The following ZFP90 variants were observed in gnomAD, a reference collection of about 807,000 sequenced individuals.
ZFP90 encodes the protein ZFP90 zinc finger protein.
Under a neutral mutation model 60.8 loss-of-function variants are expected in ZFP90, and 38 were observed. The observed-to-expected ratio is 0.62, with a 90% CI of 0.48 to 0.82. The LOEUF is 0.82. Ranked by LOEUF, ZFP90 falls within the 40% of genes least tolerant of loss-of-function variation. The pLI, the probability that ZFP90 is intolerant of heterozygous loss-of-function variation, is 0.00. For missense variants in ZFP90, 711 were observed against 759.1 expected (o/e 0.94, Z 0.74); for synonymous variants, 287 against 264.8 (o/e 1.08, Z -0.82).
upstream of ZFP90, among the ~76,000 whole-genome samples, chr16:68,537,444 C>A (rs1162008348): frequency 6.6e-6 from 1 of 152,120 alleles, no homozygotes; most frequent in African/African-American, 2.4e-5. Context: ...CCTTAAGTTG[C>A]AGCTACTAAG....
intron 2 of ZFP90, among the ~76,000 whole-genome samples, chr16:68,552,248 A>T (rs2091275307): frequency 1.3e-5 from 2 of 151,832 alleles, no homozygotes; most frequent in African/African-American, 4.8e-5. Flanking sequence ...TTACCTATTT[A>T]CTCCGGCAAA....
Position 68,564,722 on chromosome 16 carries a change from C to T in ZFP90, c.*24C>T, listed in dbSNP as rs1233112214. 2.5e-6 allele frequency: 4 copies of T among 1,573,426 alleles called. No individual in the cohort carries two copies. Among genetic ancestry groups the T allele is most frequent in the South Asian group, 2.4e-5 (2 of 83,618 alleles). On this transcript the variant is annotated 3_prime_UTR_variant, in exon 5 of 5. Coordinates refer to ENST00000563169, the MANE Select transcript of ZFP90 (RefSeq NM_001305203.2). The stretch of plus-strand genomic sequence containing the variant: ...AGGAACCGTGAAATTAAGGAATTTG[C>T]AGAATGCTTTAGCTAAAATGTTCTG...
chr16:68,566,189 C>T lies in ZFP90; in HGVS notation c.*1491C>T. On this transcript the variant is annotated 3_prime_UTR_variant, in exon 5 of 5. Coordinates refer to ENST00000563169, the MANE Select transcript of ZFP90 (RefSeq NM_001305203.2). ...TATTAGTAAAGCATCAGCTAAGCTTCAGTGGCCTGCTCCATCCCCTAATGA... is the reference window on the plus strand; with the variant it reads ...TATTAGTAAAGCATCAGCTAAGCTTTAGTGGCCTGCTCCATCCCCTAATGA... The T allele has an allele frequency of 2.0e-6, 2 of 985,564 alleles. No homozygotes were observed. Among genetic ancestry groups the T allele is most frequent in the Non-Finnish European group, 2.4e-6 (2 of 829,946 alleles). 61.1% of individuals were successfully genotyped at this position (985,564 alleles called of 1,614,324 possible).
Position 68,566,992 on chromosome 16 carries a change from G to T in ZFP90, c.*2294G>T. 1.0e-6 allele frequency: 1 copy of T among 985,624 alleles called. No individual in the cohort carries two copies. The allele number at this position is 985,624 out of a possible 1,614,324, so 61.1% of individuals were successfully genotyped here. A position where few individuals can be genotyped will look rare whatever the true frequency, so the allele number is the denominator to read the frequency against. On this transcript the variant is annotated 3_prime_UTR_variant, in exon 5 of 5. Coordinates refer to ENST00000563169, the MANE Select transcript of ZFP90 (RefSeq NM_001305203.2). ...CAGGGAGGGAGCCCAGGACATATGTGTGGCTCATTGACCAGAAGGCTTTCT... is the reference window on the plus strand; with the variant it reads ...CAGGGAGGGAGCCCAGGACATATGTTTGGCTCATTGACCAGAAGGCTTTCT...
intron 2 of ZFP90, among the ~76,000 whole-genome samples, chr16:68,556,052 C>T (rs948398159): frequency 1.3e-5 from 2 of 152,118 alleles, no homozygotes; most frequent in Non-Finnish European, 2.9e-5. Flanking sequence ...TGCCTGTAGT[C>T]CCAGCTACTC....
intron 2 of ZFP90, chr16:68,557,270 T>C (rs927200214): frequency 3.3e-5 from 15 of 455,876 alleles, no homozygotes; most frequent in African/African-American, 2.4e-4. Flanking sequence ...GGCCTTGACC[T>C]CTCAAAGTGT....
chr16:68,564,033 C>T lies in ZFP90; in HGVS notation c.1246C>T (p.His416Tyr). Reference sequence around the variant, plus strand: ...ATCCCTTTATAAACATATGAGGATTCATAAGAGAGGCAAACCTTACCAAAG... The same window carrying T: ...ATCCCTTTATAAACATATGAGGATTTATAAGAGAGGCAAACCTTACCAAAG... ...SPSLYKHMRIHKRGKPYQSSN... is the reference protein window; with the variant it reads ...SPSLYKHMRIYKRGKPYQSSN... The change falls in exon 5 of 5, where the codon CAT (histidine) becomes TAT (tyrosine). Residue 416 changes from histidine to tyrosine, a missense_variant. Around this residue, in one of 5 missense-constraint regions of ZFP90, gnomAD observed 295 missense variants for 274.0 expected, o/e 1.08. Transcript: ENST00000563169. 6.2e-7 allele frequency: 1 copy of T among 1,614,048 alleles called. No homozygotes were observed. Among genetic ancestry groups the T allele is most frequent in the Non-Finnish European group, 8.5e-7 (1 of 1,179,992 alleles).
At position 68,565,187 on chromosome 16, in the gene ZFP90, A is replaced by G. The variant is rs1348561865; in HGVS notation, c.*489A>G. The G allele has an allele frequency of 5.1e-6, 5 of 989,958 alleles. No homozygotes were observed. Among genetic ancestry groups the G allele is most frequent in the Non-Finnish European group, 3.6e-6 (3 of 832,948 alleles). 61.3% of individuals were successfully genotyped at this position (989,958 alleles called of 1,614,324 possible). A position where few individuals can be genotyped will look rare whatever the true frequency, so the allele number is the denominator to read the frequency against. Reference sequence around the variant, plus strand: ...TTAGATCAACTAGCCCAACCACTTCATTGTACAGATGAAGACTGAAAGCCA... The same window carrying G: ...TTAGATCAACTAGCCCAACCACTTCGTTGTACAGATGAAGACTGAAAGCCA... On this transcript the variant is annotated 3_prime_UTR_variant, in exon 5 of 5. Transcript: ENST00000563169.
In ZFP90 at chr16:68,564,951, T is replaced by C. The variant is rs1260724019; in HGVS notation, c.*253T>C. On this transcript the variant is annotated 3_prime_UTR_variant, in exon 5 of 5. Coordinates refer to ENST00000563169, the MANE Select transcript of ZFP90 (RefSeq NM_001305203.2). Reference sequence around the variant, plus strand: ...GATGATATGCCTGTATGTTGGACTTTGCTTTTGAATATATGTATGCAGGAT... The same window carrying C: ...GATGATATGCCTGTATGTTGGACTTCGCTTTTGAATATATGTATGCAGGAT... 2 of 1,222,330 alleles carry C rather than the reference T, an allele frequency of 1.6e-6. No homozygotes were observed. Among genetic ancestry groups the C allele is most frequent in the Non-Finnish European group, 2.0e-6 (2 of 980,340 alleles). The allele number at this position is 1,222,330 out of a possible 1,614,324, so 75.7% of individuals were successfully genotyped here. A position where few individuals can be genotyped will look rare whatever the true frequency, so the allele number is the denominator to read the frequency against.
chr16:68,542,445 G>A (rs945587764), intron 2 of ZFP90, among the ~76,000 whole-genome samples: 1 of 152,078 alleles, frequency 6.6e-6, no homozygotes, highest in East Asian at 1.9e-4. Flanking sequence ...ACAAAAATTA[G>A]CTAGCCATGG....
At chr16:68,562,449 C>A in intron 4 of ZFP90, 1 of 151,928 alleles carries the variant, frequency 6.6e-6, no homozygotes, top group Non-Finnish European at 1.5e-5. Context: ...AACCGGAGCT[C>A]AAATAGATGA....
rs35122186 is a variant in ZFP90, at chr16:68,540,808, C to CAAAAAA, written c.33+1000_33+1005dup. ...GCAACATAGTGAGACTCCGTCTCTGCAAAAAAAAAAAAAAAAAAAAAATTT... is the reference window on the plus strand; with the variant it reads ...GCAACATAGTGAGACTCCGTCTCTGCAAAAAAAAAAAAAAAAAAAAAAAAAAAATTT... On this transcript the variant is annotated intron_variant, in intron 2 of 4. Coordinates refer to ENST00000563169, the MANE Select transcript of ZFP90 (RefSeq NM_001305203.2). Among the ~76,000 whole-genome samples the CAAAAAA allele has an allele frequency of 3.7e-3, 338 of 92,562 alleles. 5 individuals are homozygous for CAAAAAA. The highest frequency in any genetic ancestry group is 0.014 in the African/African-American group (306 of 22,136). The allele number at this position is 92,562 out of a possible 152,430, so 60.7% of individuals were successfully genotyped here.
Position 68,566,835 on chromosome 16 carries a change from T to G in ZFP90, c.*2137T>G, listed in dbSNP as rs944770768. The G allele has an allele frequency of 2.0e-6, 2 of 985,600 alleles. No homozygotes were observed. The highest frequency in any genetic ancestry group is 2.4e-6 in the Non-Finnish European group (2 of 829,954). 61.1% of individuals were successfully genotyped at this position (985,600 alleles called of 1,614,324 possible). ...AGGAATGGCATGAATTGTAACCAAC[T>G]GAGTGCTGCCCCCACTGTTACGGAA... On this transcript the variant is annotated 3_prime_UTR_variant, in exon 5 of 5. Transcript: ENST00000563169.
rs1217451305 is a variant in ZFP90 at position 68,565,472 on chromosome 16, C to T, written c.*774C>T. 3 of 985,396 alleles carry T rather than the reference C, an allele frequency of 3.0e-6. No individual in the cohort carries two copies. The highest frequency in any genetic ancestry group is 3.6e-6 in the Non-Finnish European group (3 of 829,920). The allele number at this position is 985,396 out of a possible 1,614,324, so 61.0% of individuals were successfully genotyped here. On this transcript the variant is annotated 3_prime_UTR_variant, in exon 5 of 5. Transcript: ENST00000563169. ...CAAATTTATCACAAACTATTTAAAGCAACTTCTTGGAGGCTTACAAACCAC... is the reference window on the plus strand; with the variant it reads ...CAAATTTATCACAAACTATTTAAAGTAACTTCTTGGAGGCTTACAAACCAC...
rs1308528284 is a variant in ZFP90 at position 68,564,795 on chromosome 16, C to T, written c.*97C>T. The T allele has an allele frequency of 1.0e-5, 15 of 1,463,590 alleles. No individual in the cohort carries two copies. The highest frequency in any genetic ancestry group is 2.8e-5 in the African/African-American group (2 of 70,268). The allele number at this position is 1,463,590 out of a possible 1,614,324, so 90.7% of individuals were successfully genotyped here. ...GAGAGCTTGGGAATGTAATGAATTA[C>T]GTGTGTGTTTATACGTTGTGTGTGG... On this transcript the variant is annotated 3_prime_UTR_variant, in exon 5 of 5. Coordinates refer to ENST00000563169, the MANE Select transcript of ZFP90 (RefSeq NM_001305203.2).
downstream of ZFP90, among the ~76,000 whole-genome samples, chr16:68,571,127 G>A (rs141917420): frequency 4.3e-4 from 65 of 152,320 alleles, no homozygotes; most frequent in Non-Finnish European, 8.1e-4. Flanking sequence ...TGCTGTTGAA[G>A]GAATGTGCTG....
chr16:68,568,731 T>C (rs1014823976), downstream of ZFP90, among the ~76,000 whole-genome samples: 27 of 152,144 alleles, frequency 1.8e-4, no homozygotes, highest in African/African-American at 6.5e-4. Context: ...CAGGCTGGAG[T>C]GCAGCAGTAC....
Position 68,565,794 on chromosome 16 carries a change from G to C in ZFP90, c.*1096G>C. 1 of 985,396 alleles carries C rather than the reference G, an allele frequency of 1.0e-6. No homozygotes were observed. The highest frequency in any genetic ancestry group is 1.7e-5 in the African/African-American group (1 of 57,306). 61.0% of individuals were successfully genotyped at this position (985,396 alleles called of 1,614,324 possible). On this transcript the variant is annotated 3_prime_UTR_variant, in exon 5 of 5. Coordinates refer to ENST00000563169, the MANE Select transcript of ZFP90 (RefSeq NM_001305203.2). ...GTACTCAGAGAAGCAACATGCACTG[G>C]CTCATTTTATGTGCAAAGAAAAGAT...
At chr16:68,549,595 C>T (rs901025629) in intron 2 of ZFP90, among the ~76,000 whole-genome samples, 3 of 142,538 alleles carry the variant, frequency 2.1e-5, no homozygotes, top group East Asian at 2.1e-4. Context: ...AGGAGAATGG[C>T]GTGAACCTGG....
Sources: gnomAD v4.1 joint callset for allele counts (sites outside exome capture counted in the v4.1 genomes callset) on GRCh38, gnomAD v4.1.1 for gene constraint, gnomAD v4.1.1 regional missense constraint, MANE v1.5 for transcripts, NCBI Gene and HGNC (gene_info 2026-07-23, HGNC 2026-07-21) for gene names.